Variants in MAP4K3 observed in about 807,000 individuals in gnomAD.
MAP4K3 encodes the protein MAPK/ERK kinase kinase kinase 3.
MAP4K3 carries 94 observed loss-of-function variants against 143.5 expected under a neutral mutation model. The ratio of observed to expected loss-of-function variants is 0.65; its 90% CI spans 0.55 to 0.78. MAP4K3 has a LOEUF of 0.78. MAP4K3 is among the 30% of genes least tolerant of loss of function. The pLI is 0.00. For synonymous variants in MAP4K3, 416 were observed against 347.2 expected (o/e 1.20, Z -2.20); for missense variants, 1,077 against 1,068.1 (o/e 1.01, Z -0.12).
Position 39,265,208 on chromosome 2 carries a change from T to G in MAP4K3, c.2131A>C (p.Ile711Leu). 1 of 1,591,832 alleles carries G rather than the reference T, an allele frequency of 6.3e-7. No homozygotes were observed. ...WVEPMQKFML[I>L]KHIDFPIPCP... ...AGTCTGACTTTTATGCTTACCTTAA[T>G]TAACATAAATTTCTGCATTGGTTCA... The change falls in exon 28 of 34, where the codon ATT becomes CTT. Residue 711 changes from isoleucine to leucine, a missense_variant. Ile to Leu is a conservative substitution (Grantham distance 5). Around this residue, in one of 2 missense-constraint regions of MAP4K3, gnomAD observed 864 missense variants for 801.2 expected, o/e 1.08. Transcript: ENST00000263881.
At chr2:39,274,075 T>C (rs1181161666) in intron 24 of MAP4K3, among the ~76,000 whole-genome samples, 1 of 152,258 alleles carries the variant, frequency 6.6e-6, no homozygotes, top group East Asian at 1.9e-4. Flanking sequence ...TGTAAGTAGG[T>C]TTGCTTATTT....
rs142111950 is a variant in MAP4K3 at position 39,269,753 on chromosome 2, T to G, written c.1974-2506A>C. Among the ~76,000 whole-genome samples, 670 of 152,330 alleles carry G rather than the reference T, an allele frequency of 4.4e-3. 3 individuals are homozygous for G. The highest frequency in any genetic ancestry group is 9.4e-3 in the Admixed American group (144 of 15,300). On this transcript the variant is annotated intron_variant, in intron 26 of 33. Coordinates refer to ENST00000263881, the MANE Select transcript of MAP4K3 (RefSeq NM_003618.4). Reference sequence around the variant, plus strand: ...GACAGCTAAACAATGACACAGAATTTATTCAGATGTTGAAACACTGAACGA... The same window carrying G: ...GACAGCTAAACAATGACACAGAATTGATTCAGATGTTGAAACACTGAACGA...
intron 8 of MAP4K3, among the ~76,000 whole-genome samples, chr2:39,329,128 G>A (rs1683603339): frequency 6.6e-6 from 1 of 152,074 alleles, no homozygotes; most frequent in Admixed American, 6.5e-5. Context: ...CAAGAGTAAT[G>A]ACATAAATTT....
intron 2 of MAP4K3, among the ~76,000 whole-genome samples, chr2:39,376,143 T>C (rs1268012635): frequency 6.6e-6 from 1 of 152,236 alleles, no homozygotes; most frequent in Non-Finnish European, 1.5e-5. Context: ...TTTTCCAAAG[T>C]GGTTGCACCA....
At chr2:39,358,953 C>A (rs960551041) in intron 2 of MAP4K3, among the ~76,000 whole-genome samples, 12 of 152,048 alleles carry the variant, frequency 7.9e-5, no homozygotes, top group African/African-American at 2.9e-4. Flanking sequence ...CTGGCCCCTC[C>A]CAAATCTCAT....
chr2:39,417,796 T>C (rs909826472), intron 1 of MAP4K3, among the ~76,000 whole-genome samples: 2 of 152,156 alleles, frequency 1.3e-5, no homozygotes. Context: ...TCTAACACCA[T>C]TCTCTAACAG....
chr2:39,366,560 G>A (rs1344057193), intron 2 of MAP4K3, among the ~76,000 whole-genome samples: 1 of 152,172 alleles, frequency 6.6e-6, no homozygotes, highest in African/African-American at 2.4e-5. Context: ...AAGGGAAGAG[G>A]GCGTAGTTCC....
rs56011585 is a variant in MAP4K3, at chr2:39,386,820, C to CTTTTTTTTTTTTTTTT, written c.97-8698_97-8697insAAAAAAAAAAAAAAAA. ...GATTAGTGTAATTTTTTTTGTTGTTCTTTTTTTTTTTTTGAGACGGAGTCT... is the reference window on the plus strand; with the variant it reads ...GATTAGTGTAATTTTTTTTGTTGTTCTTTTTTTTTTTTTTTTTTTTTTTTTTTTTGAGACGGAGTCT... On this transcript the variant is annotated intron_variant, in intron 1 of 33. Coordinates refer to ENST00000263881, the MANE Select transcript of MAP4K3 (RefSeq NM_003618.4). Among the ~76,000 whole-genome samples the CTTTTTTTTTTTTTTTT allele has an allele frequency of 1.3e-3, 182 of 139,092 alleles. 4 individuals carry two copies. Among genetic ancestry groups the CTTTTTTTTTTTTTTTT allele is most frequent in the African/African-American group, 4.8e-3 (176 of 36,294 alleles). The allele number at this position is 139,092 out of a possible 152,430, so 91.2% of individuals were successfully genotyped here.
chr2:39,316,887 A>C (rs1211712593), intron 12 of MAP4K3, among the ~76,000 whole-genome samples: 5 of 152,048 alleles, frequency 3.3e-5, no homozygotes, highest in Non-Finnish European at 7.4e-5. Flanking sequence ...ACATTCTCAA[A>C]AATTAAAATT....
chr2:39,267,192 C>T lies in MAP4K3; in HGVS notation c.2029G>A (p.Val677Ile). 6.2e-7 allele frequency: 1 copy of T among 1,614,042 alleles called. No homozygotes were observed. Among genetic ancestry groups the T allele is most frequent in the Non-Finnish European group, 8.5e-7 (1 of 1,179,958 alleles). Residue 677 changes from valine to isoleucine, a missense_variant, in exon 27 of 34, where the codon GTT becomes ATT. This residue lies in a region of MAP4K3 where 864 missense variants were observed against 801.2 expected (regional missense o/e 1.08). Transcript: ENST00000263881. ...TGCTATTGGACAGTTTACTTACCAACACAACACTTCTGGCACCATTTGGTT... is the reference window on the plus strand; with the variant it reads ...TGCTATTGGACAGTTTACTTACCAATACAACACTTCTGGCACCATTTGGTT... ...PETKWCQKCC[V>I]VRNPYTGHKY...
chr2:39,387,508 C>G (rs1435815337), intron 1 of MAP4K3, among the ~76,000 whole-genome samples: 1 of 152,164 alleles, frequency 6.6e-6, no homozygotes, highest in African/African-American at 2.4e-5. Flanking sequence ...TTAGACAGCA[C>G]AACTCTAAAA....
At chr2:39,262,273 A>G (rs1196863700) in intron 28 of MAP4K3, among the ~76,000 whole-genome samples, 1 of 152,196 alleles carries the variant, frequency 6.6e-6, no homozygotes, top group Non-Finnish European at 1.5e-5. Flanking sequence ...TGGAATGTGA[A>G]GCTCTGTGTT....
rs879223587 is a variant in MAP4K3 at position 39,250,537 on chromosome 2, T to C, written c.*81A>G. 47 of 1,319,760 alleles carry C rather than the reference T, an allele frequency of 3.6e-5. 1 individual carries two copies. In the South Asian group the frequency reaches 5.2e-4, roughly 15 times the overall value. 81.8% of individuals were successfully genotyped at this position (1,319,760 alleles called of 1,614,324 possible). ...AACTGAAGACAGGTTACTGCAGCTT[T>C]TGTACAGCTTCAAGCATCCATTAAT... is the stretch of plus-strand genomic sequence containing the variant. On this transcript the variant is annotated 3_prime_UTR_variant, in exon 34 of 34. Coordinates refer to ENST00000263881, the MANE Select transcript of MAP4K3 (RefSeq NM_003618.4).
At chr2:39,318,907 T>C (rs1683206819) in intron 12 of MAP4K3, among the ~76,000 whole-genome samples, 1 of 152,182 alleles carries the variant, frequency 6.6e-6, no homozygotes, top group Admixed American at 6.5e-5. Flanking sequence ...TGATAAATCC[T>C]AGTTGACATA....
intron 12 of MAP4K3, among the ~76,000 whole-genome samples, chr2:39,315,846 C>CT (rs1392110709): frequency 6.6e-6 from 1 of 151,920 alleles, no homozygotes; most frequent in Non-Finnish European, 1.5e-5. Flanking sequence ...GCTTAGAAGC[C>CT]TTTTAAGGTT....
intron 12 of MAP4K3, among the ~76,000 whole-genome samples, chr2:39,316,534 T>C (rs539769429): frequency 2.7e-4 from 41 of 152,214 alleles, no homozygotes; most frequent in Non-Finnish European, 4.7e-4. Flanking sequence ...TATTTTTTCA[T>C]ATTTTTTCAA....
intron 2 of MAP4K3, among the ~76,000 whole-genome samples, chr2:39,374,084 C>T (rs1362707670): frequency 1.3e-5 from 2 of 152,098 alleles, no homozygotes; most frequent in African/African-American, 4.8e-5. Context: ...AATATATATG[C>T]CTACTATGTA....
In MAP4K3 at chr2:39,299,340, C is replaced by T. The variant is rs1316779766; in HGVS notation, c.1178+403G>A. Among the ~76,000 whole-genome samples the T allele has an allele frequency of 2.0e-5, 3 of 152,036 alleles. No homozygotes were observed. In the South Asian group the frequency reaches 6.2e-4, roughly 32 times the overall value. On this transcript the variant is annotated intron_variant, in intron 16 of 33. Coordinates refer to ENST00000263881, the MANE Select transcript of MAP4K3 (RefSeq NM_003618.4). ...ATCTTACTTTAAAAAAACCTTATAG[C>T]TAAAAAGTTAAGATTTCTAAGTTGT...
At chr2:39,257,173 T>C (rs1680373883) in intron 31 of MAP4K3, among the ~76,000 whole-genome samples, 1 of 152,212 alleles carries the variant, frequency 6.6e-6, no homozygotes, top group Admixed American at 6.5e-5. Flanking sequence ...TCTTTACTGA[T>C]AAGGAACACC....
Sources: gnomAD v4.1 joint callset for allele counts (sites outside exome capture counted in the v4.1 genomes callset) on GRCh38, gnomAD v4.1.1 for gene constraint, gnomAD v4.1.1 regional missense constraint, MANE v1.5 for transcripts, NCBI Gene and HGNC (gene_info 2026-07-23, HGNC 2026-07-21) for gene names.